DYNC1I1: variants seen among roughly 807,000 people sequenced by gnomAD.
DYNC1I1 encodes dynein cytoplasmic 1 intermediate chain 1.
In DYNC1I1, 43 loss-of-function variants were observed where a neutral mutation model predicts 86.6. The observed-to-expected ratio is 0.50, with a 90% confidence interval of 0.39 to 0.64. DYNC1I1 has a LOEUF of 0.64. Among genes scored for constraint, DYNC1I1 ranks in the 30% least tolerant of loss-of-function variants. The probability of loss-of-function intolerance (pLI) is 0.00; values close to 1 mark genes in which losing one functional copy is unlikely to be tolerated. For synonymous variants in DYNC1I1, 262 were observed against 283.7 expected, an observed-to-expected ratio of 0.92 and a Z score of 0.77; for missense variants, 604 against 788.8, an observed-to-expected ratio of 0.77 and a Z score of 2.81.
intron 16 of DYNC1I1, among the ~76,000 whole-genome samples, chr7:96,087,094 A>T (rs113233494): frequency 2.1e-4 from 1 of 4,692 alleles, no homozygotes; most frequent in South Asian, 2.2e-3. Flanking sequence ...TTTTAAGGGG[A>T]ATCACACTTA....
chr7:95,826,951 A>C lies in DYNC1I1; in HGVS notation c.315-1106A>C, dbSNP rs560279287. Among the ~76,000 whole-genome samples, 19 of 152,270 alleles carry C rather than the reference A, an allele frequency of 1.2e-4. No homozygotes were observed. The South Asian group carries it at 3.5e-3, about 28-fold the overall frequency. Reference sequence around the variant, plus strand: ...TAAGCTACAGTAAGTATTTATAGACAAGGAAACCGAGCAGGGCTTCTCAAA... The same window carrying C: ...TAAGCTACAGTAAGTATTTATAGACCAGGAAACCGAGCAGGGCTTCTCAAA... On this transcript the variant is annotated intron_variant, in intron 4 of 16. Coordinates refer to ENST00000447467, the MANE Select transcript of DYNC1I1 (RefSeq NM_001135556.2).
intron 6 of DYNC1I1, among the ~76,000 whole-genome samples, chr7:95,943,345 T>A (rs2116454084): frequency 6.6e-6 from 1 of 151,722 alleles, no homozygotes; most frequent in South Asian, 2.1e-4. Flanking sequence ...CAAGGAGAAC[T>A]ACAAACCACT....
intron 5 of DYNC1I1, among the ~76,000 whole-genome samples, chr7:95,834,604 A>G (rs1384553527): frequency 1.5e-4 from 20 of 137,588 alleles, no homozygotes; most frequent in African/African-American, 5.5e-4. Flanking sequence ...CTGGTCCTGG[A>G]CTCTTTTTGG....
intron 10 of DYNC1I1, among the ~76,000 whole-genome samples, chr7:95,997,583 T>TGTG (rs1554429142): frequency 0.055 from 7,811 of 142,806 alleles, 301 homozygotes; most frequent in Non-Finnish European, 0.074. Context: ...AAGGGCATTC[T>TGTG]TGTGTGTGTG....
At chr7:95,788,667 A>G (rs1211456327) in intron 1 of DYNC1I1, among the ~76,000 whole-genome samples, 1 of 152,094 alleles carries the variant, frequency 6.6e-6, no homozygotes, top group East Asian at 1.9e-4. Flanking sequence ...ATGGTTTAAG[A>G]CTCTGTTCTC....
At chr7:95,824,855 G>A (rs535930351) in intron 4 of DYNC1I1, among the ~76,000 whole-genome samples, 10 of 152,250 alleles carry the variant, frequency 6.6e-5, no homozygotes, top group African/African-American at 2.4e-4. Context: ...GAAGGAATTC[G>A]GCGAATGTTT....
intron 10 of DYNC1I1, among the ~76,000 whole-genome samples, chr7:95,999,552 T>A (rs2115780073): frequency 6.6e-6 from 1 of 152,278 alleles, no homozygotes; most frequent in African/African-American, 2.4e-5. Flanking sequence ...CCGTTAAGAT[T>A]CTATAAAGGG....
chr7:95,873,292 T>G (rs1340863618), intron 6 of DYNC1I1, among the ~76,000 whole-genome samples: 1 of 152,158 alleles, frequency 6.6e-6, no homozygotes, highest in Non-Finnish European at 1.5e-5. Flanking sequence ...GGGACATTTG[T>G]TTGATTTGCC....
intron 6 of DYNC1I1, among the ~76,000 whole-genome samples, chr7:95,887,729 C>T (rs903101166): frequency 3.6e-4 from 55 of 152,232 alleles, no homozygotes; most frequent in African/African-American, 1.2e-3. Flanking sequence ...TCTGATGATG[C>T]TTGAATTGAG....
intron 6 of DYNC1I1, among the ~76,000 whole-genome samples, chr7:95,934,947 T>G (rs1791999098): frequency 6.6e-6 from 1 of 151,714 alleles, no homozygotes; most frequent in Non-Finnish European, 1.5e-5. Flanking sequence ...TTTTTGTTTT[T>G]TGTTTTGTGT....
intron 14 of DYNC1I1, among the ~76,000 whole-genome samples, chr7:96,047,747 C>A (rs1047235848): frequency 6.6e-6 from 1 of 152,056 alleles, no homozygotes; most frequent in African/African-American, 2.4e-5. Flanking sequence ...TCTGAGAGAC[C>A]TGAGTATATT....
At chr7:95,871,880 G>A (rs1790179892) in intron 6 of DYNC1I1, among the ~76,000 whole-genome samples, 3 of 152,186 alleles carry the variant, frequency 2.0e-5, no homozygotes, top group African/African-American at 7.2e-5. Context: ...CTTTTTTGTG[G>A]TGAAGGGCAT....
intron 12 of DYNC1I1, 65 bp downstream of exon 12, chr7:96,032,845 A>G: frequency 7.2e-7 from 1 of 1,393,744 alleles, no homozygotes; most frequent in Non-Finnish European, 1.0e-6. Context: ...TTAATGGAAC[A>G]TAGTTCCTAA....
chr7:96,019,863 A>G (rs1256445309), intron 10 of DYNC1I1, among the ~76,000 whole-genome samples: 6 of 152,150 alleles, frequency 3.9e-5, no homozygotes, highest in Admixed American at 3.9e-4. Context: ...CAGTGTTTAG[A>G]GATTTTTCTT....
At chr7:95,917,759 G>A (rs1791506632) in intron 6 of DYNC1I1, among the ~76,000 whole-genome samples, 1 of 152,156 alleles carries the variant, frequency 6.6e-6, no homozygotes, top group South Asian at 2.1e-4. Context: ...TCACCTTGTG[G>A]GCACTGGGCA....
chr7:95,954,133 T>C (rs535792536), intron 6 of DYNC1I1, among the ~76,000 whole-genome samples: 2 of 152,046 alleles, frequency 1.3e-5, no homozygotes, highest in South Asian at 4.2e-4. Flanking sequence ...AAAGGGAGTA[T>C]AGGCCTTGTG....
chr7:95,928,706 CTT>C (rs1302342622), intron 6 of DYNC1I1, among the ~76,000 whole-genome samples: 2 of 152,134 alleles, frequency 1.3e-5, no homozygotes, highest in Admixed American at 1.3e-4. Context: ...TTTTAAAAGA[CTT>C]TTTACTGGGA....
intron 14 of DYNC1I1, among the ~76,000 whole-genome samples, chr7:96,040,255 A>G (rs1484549152): frequency 1.3e-5 from 2 of 152,042 alleles, no homozygotes; most frequent in Non-Finnish European, 2.9e-5. Flanking sequence ...AAAATAAAAT[A>G]AAATAAAATA....
At chr7:96,100,675 T>A (rs1791121351), downstream of DYNC1I1, among the ~76,000 whole-genome samples, 1 of 151,414 alleles carries the variant, frequency 6.6e-6, no homozygotes, top group Admixed American at 6.6e-5. Flanking sequence ...TGTGTGTGTG[T>A]GTGTGTGGTA....
Sources: gnomAD v4.1 joint callset for allele counts (sites outside exome capture counted in the v4.1 genomes callset) on GRCh38, gnomAD v4.1.1 for gene constraint, MANE v1.5 for transcripts, NCBI Gene and HGNC (gene_info 2026-07-23, HGNC 2026-07-21) for gene names.